The following NAV1 variants were observed in gnomAD, a reference collection of about 807,000 sequenced individuals.
NAV1 encodes the protein neuron navigator 1.
NAV1 carries 18 observed loss-of-function variants against 175.2 expected under a neutral mutation model. The observed-to-expected ratio is 0.10, with a 90% confidence interval of 0.07 to 0.15. NAV1 has a LOEUF of 0.15. NAV1 is among the 10% of genes least tolerant of loss of function. The pLI is 1.00. For synonymous variants in NAV1, 897 were observed against 978.7 expected, an observed-to-expected ratio of 0.92 and a Z score of 1.56; for missense variants, 1,731 against 2,436.6, an observed-to-expected ratio of 0.71 and a Z score of 6.10.
intron 15 of NAV1, among the ~76,000 whole-genome samples, chr1:201,799,306 A>G (rs1677688696): frequency 1.3e-5 from 2 of 152,174 alleles, no homozygotes. Context: ...ATATTTGCTG[A>G]ATGAATGAAT....
chr1:201,624,199 G>A (rs532038941), intron 1 of NAV1, among the ~76,000 whole-genome samples: 53 of 152,208 alleles, frequency 3.5e-4, no homozygotes, highest in Non-Finnish European at 6.0e-4. Context: ...GCTTTAGACA[G>A]ACAGGTGTTG....
chr1:201,787,637 ATCT>A lies in NAV1; in HGVS notation c.2996-824_2996-822del, dbSNP rs1249959405. ...GAAAAGGTCAACAGAGAGGTGTGCC[ATCT>A]TCTTCTGCACAGGTCTTTATGGACA... On this transcript the variant is annotated intron_variant, in intron 9 of 29. Transcript: ENST00000367296. The surrounding 1 kb of genome is among the most constrained non-coding windows in gnomAD (Gnocchi z 4.3). 4 of 456,046 alleles carry A rather than the reference ATCT, an allele frequency of 8.8e-6. No individual in the cohort carries two copies. The highest frequency in any genetic ancestry group is 1.8e-5 in the Non-Finnish European group (4 of 226,904). 28.2% of individuals were successfully genotyped at this position (456,046 alleles called of 1,614,324 possible). A position where few individuals can be genotyped will look rare whatever the true frequency, so the allele number is the denominator to read the frequency against.
intron 3 of NAV1, among the ~76,000 whole-genome samples, chr1:201,732,961 C>T (rs769150851): frequency 4.6e-5 from 7 of 151,924 alleles, no homozygotes; most frequent in Non-Finnish European, 8.8e-5. Flanking sequence ...ATCCCAGCTC[C>T]TCAGGAGGCT....
intron 2 of NAV1, among the ~76,000 whole-genome samples, chr1:201,640,085 C>A (rs1668708926): frequency 6.6e-6 from 1 of 152,076 alleles, no homozygotes; most frequent in Non-Finnish European, 1.5e-5. Context: ...AGGCCCATGA[C>A]CTCTGGCTCC....
At chr1:201,547,392 A>G (rs1665704906) in intron 1 of NAV1, among the ~76,000 whole-genome samples, 1 of 152,214 alleles carries the variant, frequency 6.6e-6, no homozygotes, top group Non-Finnish European at 1.5e-5. Flanking sequence ...ATTTTCCAGT[A>G]GTTTCCCAAA....
chr1:201,734,528 G>GA (rs1571914631), intron 3 of NAV1, among the ~76,000 whole-genome samples: 1 of 151,890 alleles, frequency 6.6e-6, no homozygotes, highest in East Asian at 1.9e-4. Context: ...AGAAGAAGAA[G>GA]AAGATCATTT....
intron 3 of NAV1, among the ~76,000 whole-genome samples, chr1:201,747,624 T>G (rs1340657522): frequency 6.6e-6 from 1 of 152,174 alleles, no homozygotes; most frequent in Admixed American, 6.5e-5. Context: ...AAGCAGTGCT[T>G]GAGTGGTTAA....
intron 2 of NAV1, among the ~76,000 whole-genome samples, chr1:201,611,948 G>A (rs1046648126): frequency 6.7e-6 from 1 of 148,510 alleles, no homozygotes. Flanking sequence ...TGTATGATGT[G>A]TGCGGTGCGA....
intron 3 of NAV1, among the ~76,000 whole-genome samples, chr1:201,738,558 G>C (rs1192391338): frequency 6.6e-6 from 1 of 152,058 alleles, no homozygotes; most frequent in Admixed American, 6.5e-5. Context: ...ATTGCTGGGG[G>C]GCTTGGGAAA....
chr1:201,792,453 G>C (rs537052544), intron 13 of NAV1: 2 of 152,322 alleles, frequency 1.3e-5, no homozygotes, highest in African/African-American at 4.8e-5. Context: ...TAAGGGAAGG[G>C]TCAATGTAGG....
At chr1:201,780,921 C>T (rs918397933) in intron 4 of NAV1, 91 bp from the exon 9 acceptor site, 53 of 1,385,254 alleles carry the variant, frequency 3.8e-5, no homozygotes, top group African/African-American at 3.3e-4. Context: ...AGATGAGCAG[C>T]GCCAGGTACT....
At position 201,807,727 on chromosome 1, in the gene NAV1, C is replaced by CAACAG. The variant is rs552270357; in HGVS notation, c.3649-225_3649-224insACAGA. On this transcript the variant is annotated intron_variant, in intron 17 of 29. Transcript: ENST00000367296. This position sits in a 1 kb window ranked among gnomAD's most constrained non-coding sequence, Gnocchi z 5.4. ...CTCACTCTGTTGCCAGGCTGGAGTG[C>CAACAG]AGTGGCTCGATCTCAGCTCACTGCA... 2.6e-5 allele frequency among the ~76,000 whole-genome samples: 4 copies of CAACAG among 152,270 alleles called. No individual in the cohort carries two copies. Among genetic ancestry groups the CAACAG allele is most frequent in the Non-Finnish European group, 4.4e-5 (3 of 68,016 alleles).
At position 201,807,997 on chromosome 1, in the gene NAV1, C is replaced by T; in HGVS notation, c.3693C>T (p.Pro1231=). ...AAGCGTTCAGTATAAAAAAGGGGCC[C>T]AAGTCAGCTTCCTCATACTCGGATA... The change falls in exon 18 of 30, where the codon CCC becomes CCT. Residue 1231 remains proline, a synonymous_variant. Coordinates refer to ENST00000367296, the Ensembl canonical transcript of NAV1. This position sits in a 1 kb window ranked among gnomAD's most constrained non-coding sequence, Gnocchi z 5.4. 6.2e-7 allele frequency: 1 copy of T among 1,614,144 alleles called. No individual in the cohort carries two copies. Among genetic ancestry groups the T allele is most frequent in the Non-Finnish European group, 8.5e-7 (1 of 1,180,018 alleles).
chr1:201,541,089 T>C (rs1665500791), intron 1 of NAV1, among the ~76,000 whole-genome samples: 1 of 152,252 alleles, frequency 6.6e-6, no homozygotes. Context: ...TCTCACATTC[T>C]GCTTTGCATT....
At chr1:201,662,038 C>T (rs574062551) in intron 1 of NAV1, among the ~76,000 whole-genome samples, 32 of 152,338 alleles carry the variant, frequency 2.1e-4, no homozygotes, top group African/African-American at 7.0e-4. Context: ...CACACAGCCA[C>T]GAAGTGGAGT....
rs75550219 is a variant in NAV1, at chr1:201,669,791, C to A, written c.757+20366C>A. Among the ~76,000 whole-genome samples, 47 of 152,068 alleles carry A rather than the reference C, an allele frequency of 3.1e-4. 2 individuals are homozygous for A. In the East Asian group the frequency reaches 8.8e-3, roughly 28 times the overall value. On this transcript the variant is annotated intron_variant, in intron 1 of 29. Coordinates refer to ENST00000367296, the Ensembl canonical transcript of NAV1. ...GGCAGTAAACAGATTCCTGCAGGCT[C>A]CAGGGAGGGAGCTGAAGTGGAGAGG...
rs56118392 is a variant in NAV1, at chr1:201,813,783, C to T, written c.5340+525C>T. 0.069 allele frequency among the ~76,000 whole-genome samples: 10,508 copies of T among 152,190 alleles called. 451 individuals are homozygous for T. Among genetic ancestry groups the T allele is most frequent in the South Asian group, 0.11 (517 of 4,806 alleles). Reference sequence around the variant, plus strand: ...TAAAAGTTAGAATAAGGAGACCGGGCGTGGTGGGTCATGCCTGTAATCCCA... The same window carrying T: ...TAAAAGTTAGAATAAGGAGACCGGGTGTGGTGGGTCATGCCTGTAATCCCA... On this transcript the variant is annotated intron_variant, in intron 28 of 29. Coordinates refer to ENST00000367296, the Ensembl canonical transcript of NAV1. The surrounding 1 kb of genome is among the most constrained non-coding windows in gnomAD (Gnocchi z 4.2).
chr1:201,811,314 G>A (rs901234686), intron 24 of NAV1, among the ~76,000 whole-genome samples: 2 of 152,092 alleles, frequency 1.3e-5, no homozygotes, highest in African/African-American at 4.8e-5. Flanking sequence ...CCCAGCTCGG[G>A]GAGGCATGCC....
chr1:201,804,438 C>CTT, intron 16 of NAV1, 51 bp from the exon 21 acceptor site: 35 of 1,152,624 alleles, frequency 3.0e-5, no homozygotes, highest in Non-Finnish European at 3.7e-5. Context: ...AGTGTTGATT[C>CTT]TTTTTTTTTT....
Sources: allele counts gnomAD v4.1 joint callset (sites outside exome capture counted in the v4.1 genomes callset), GRCh38; gene constraint gnomAD v4.1.1; non-coding constraint Gnocchi (gnomAD v3.1); transcripts MANE v1.5; gene names NCBI Gene and HGNC (gene_info 2026-07-23, HGNC 2026-07-21).